The following ATP9B variants were observed in gnomAD, a reference collection of about 807,000 sequenced individuals.
The protein encoded by ATP9B is probable phospholipid-transporting ATPase IIB.
ATP9B carries 110 observed loss-of-function variants against 146.1 expected under a neutral mutation model. The ratio of observed to expected loss-of-function variants is 0.75; its 90% CI spans 0.65 to 0.88. The LOEUF (loss-of-function observed/expected upper bound fraction) is 0.88. Ranked by LOEUF, ATP9B falls within the 40% of genes least tolerant of loss-of-function variation. ATP9B has a pLI of 0.00. For synonymous variants in ATP9B, 604 were observed against 569.7 expected, an observed-to-expected ratio of 1.06 and a Z score of -0.86; for missense variants, 1,499 against 1,496.4, an observed-to-expected ratio of 1.00 and a Z score of -0.03.
chr18:79,166,027 T>A (rs1470527380), intron 7 of ATP9B, among the ~76,000 whole-genome samples: 3 of 152,080 alleles, frequency 2.0e-5, no homozygotes. Context: ...TGAGTATCCC[T>A]CCTGGTAGAG....
chr18:79,217,161 G>A (rs542132521), intron 11 of ATP9B, among the ~76,000 whole-genome samples: 1 of 152,140 alleles, frequency 6.6e-6, no homozygotes, highest in Non-Finnish European at 1.5e-5. Context: ...CCTTAGATTT[G>A]GTATTTATTT....
chr18:79,259,905 G>A (rs969913910), intron 12 of ATP9B, among the ~76,000 whole-genome samples: 1 of 152,140 alleles, frequency 6.6e-6, no homozygotes, highest in Non-Finnish European at 1.5e-5. Context: ...AGAATGCTTG[G>A]TGAAAAGAGT....
intron 15 of ATP9B, among the ~76,000 whole-genome samples, chr18:79,315,386 G>A (rs780408054): frequency 9.9e-5 from 15 of 152,108 alleles, no homozygotes; most frequent in Admixed American, 2.6e-4. Context: ...TAAATACTAC[G>A]TAGCCTATCT....
At chr18:79,303,231 G>A (rs937944312) in intron 13 of ATP9B, among the ~76,000 whole-genome samples, 3 of 152,180 alleles carry the variant, frequency 2.0e-5, no homozygotes, top group Non-Finnish European at 2.9e-5. Flanking sequence ...GTGTGTTGTC[G>A]TGCGCCTGTA....
intron 19 of ATP9B, among the ~76,000 whole-genome samples, chr18:79,337,889 T>C (rs546006929): frequency 3.3e-5 from 5 of 152,292 alleles, no homozygotes; most frequent in African/African-American, 1.2e-4. Flanking sequence ...GTCACAACCC[T>C]GCACCTGGCA....
intron 1 of ATP9B, among the ~76,000 whole-genome samples, chr18:79,088,397 A>G (rs185291267): frequency 3.2e-4 from 49 of 152,354 alleles, no homozygotes; most frequent in African/African-American, 1.1e-3. Context: ...AAAAGAAGTG[A>G]TCTCATACAG....
chr18:79,228,618 G>A (rs578139081), intron 11 of ATP9B, among the ~76,000 whole-genome samples: 6 of 152,226 alleles, frequency 3.9e-5, no homozygotes, highest in Admixed American at 6.5e-5. Flanking sequence ...TATTTTGCAC[G>A]TAGTAAATAA....
chr18:79,088,983 G>C (rs1568392516), intron 1 of ATP9B, among the ~76,000 whole-genome samples: 1 of 152,194 alleles, frequency 6.6e-6, no homozygotes, highest in African/African-American at 2.4e-5. Flanking sequence ...TGGCCATATT[G>C]AATGTTAAGA....
chr18:79,317,310 AT>A (rs2096686265), intron 15 of ATP9B, among the ~76,000 whole-genome samples: 1 of 152,234 alleles, frequency 6.6e-6, no homozygotes, highest in African/African-American at 2.4e-5. Flanking sequence ...TATTAAGAAA[AT>A]AAAGACAAAT....
intron 26 of ATP9B, chr18:79,363,112 T>C (rs946591211): frequency 6.6e-6 from 1 of 152,206 alleles, no homozygotes; most frequent in Non-Finnish European, 1.5e-5. Flanking sequence ...TCCACACACA[T>C]ACAACCTCCT....
intron 20 of ATP9B, chr18:79,343,623 A>G (rs1470262847): frequency 6.6e-6 from 1 of 152,444 alleles, no homozygotes; most frequent in Non-Finnish European, 1.5e-5. Context: ...ACCTATTATG[A>G]AAAGAGATGT....
At chr18:79,201,064 G>A (rs1275074855) in intron 9 of ATP9B, among the ~76,000 whole-genome samples, 1 of 152,182 alleles carries the variant, frequency 6.6e-6, no homozygotes, top group Non-Finnish European at 1.5e-5. Flanking sequence ...GTGGGAGGCT[G>A]TGCCACTCAA....
At chr18:79,177,621 A>G (rs888627949) in intron 8 of ATP9B, among the ~76,000 whole-genome samples, 1 of 152,234 alleles carries the variant, frequency 6.6e-6, no homozygotes, top group African/African-American at 2.4e-5. Context: ...TAAAAAGTAC[A>G]TACATGCTCG....
intron 20 of ATP9B, among the ~76,000 whole-genome samples, chr18:79,342,694 A>G (rs1287367996): frequency 6.6e-6 from 1 of 152,142 alleles, no homozygotes; most frequent in Non-Finnish European, 1.5e-5. Flanking sequence ...GGAATGAACA[A>G]GCTCTAAGTT....
At chr18:79,312,183 T>A (rs1568649442) in intron 15 of ATP9B, among the ~76,000 whole-genome samples, 2 of 152,258 alleles carry the variant, frequency 1.3e-5, no homozygotes, top group East Asian at 3.9e-4. Context: ...CAGTGCCCCA[T>A]CCAAATGCTC....
At chr18:79,311,727 A>G (rs1003198547) in intron 15 of ATP9B, among the ~76,000 whole-genome samples, 1 of 152,152 alleles carries the variant, frequency 6.6e-6, no homozygotes, top group African/African-American at 2.4e-5. Context: ...AACATGGATC[A>G]CTCATCTCCC....
At chr18:79,124,754 G>A (rs1381875974) in intron 4 of ATP9B, among the ~76,000 whole-genome samples, 2 of 152,214 alleles carry the variant, frequency 1.3e-5, no homozygotes, top group African/African-American at 4.8e-5. Flanking sequence ...GGGAGAGCTG[G>A]GGAGAGCCTG....
intron 9 of ATP9B, among the ~76,000 whole-genome samples, chr18:79,200,953 C>A (rs1427922813): frequency 1.3e-5 from 2 of 152,166 alleles, no homozygotes; most frequent in African/African-American, 4.8e-5. Context: ...CTCTCAGGTG[C>A]AAGTGCCAAG....
At chr18:79,115,492 G>A (rs1382993492) in intron 4 of ATP9B, 2 of 137,112 alleles carry the variant, frequency 1.5e-5, no homozygotes, top group Non-Finnish European at 3.1e-5. Flanking sequence ...AACAAAGCTG[G>A]AGGCATCACA....
Sources: gnomAD v4.1 joint callset for allele counts (sites outside exome capture counted in the v4.1 genomes callset) on GRCh38, gnomAD v4.1.1 for gene constraint, MANE v1.5 for transcripts, NCBI Gene and HGNC (gene_info 2026-07-23, HGNC 2026-07-21) for gene names.